PTPRD: variants seen among roughly 807,000 people sequenced by gnomAD.
PTPRD encodes the protein receptor-type tyrosine-protein phosphatase delta.
In PTPRD, 34 loss-of-function variants were observed where a neutral mutation model predicts 214.5. The ratio of observed to expected loss-of-function variants is 0.16; its 90% confidence interval spans 0.12 to 0.21. The LOEUF is 0.21. PTPRD is among the 10% of genes least tolerant of loss of function. The pLI, the probability that PTPRD is intolerant of heterozygous loss-of-function variation, is 1.00. For missense variants in PTPRD, 2,545 were observed against 2,398.7 expected, an observed-to-expected ratio of 1.06 and a Z score of -1.27; for synonymous variants, 1,128 against 845.7, an observed-to-expected ratio of 1.33 and a Z score of -5.79.
intron 44 of PTPRD, among the ~76,000 whole-genome samples, chr9:8,328,516 G>A (rs1216372416): frequency 1.3e-5 from 2 of 152,044 alleles, no homozygotes; most frequent in Non-Finnish European, 2.9e-5. Context: ...TGCTCTTCTC[G>A]AAGAATATCT....
chr9:9,526,491 T>C (rs570571965), intron 8 of PTPRD, among the ~76,000 whole-genome samples: 3 of 152,186 alleles, frequency 2.0e-5, no homozygotes, highest in African/African-American at 7.2e-5. Context: ...TACGAGTCTA[T>C]GTAAGATATT....
Position 8,376,045 on chromosome 9 carries a change from C to T in PTPRD, c.4552G>A (p.Ala1518Thr), listed in dbSNP as rs749675538. 2.5e-5 allele frequency: 41 copies of T among 1,612,742 alleles called. No homozygotes were observed. The highest frequency in any genetic ancestry group is 2.1e-4 in the South Asian group (19 of 91,050). ...KREVRQFQFT[A>T]WPDHGVPEHP... is the part of the protein sequence containing the mutation. Reference sequence around the variant, plus strand: ...TCTGGAACACCATGATCAGGCCAGGCGGTGAACTGGAATTGTCTCACTTCT... The same window carrying T: ...TCTGGAACACCATGATCAGGCCAGGTGGTGAACTGGAATTGTCTCACTTCT... The change falls in exon 39 of 46, where the codon GCC becomes ACC. Residue 1518 changes from alanine to threonine, a missense_variant. Physicochemically the swap from Ala to Thr is moderately conservative, Grantham distance 58. Coordinates refer to ENST00000381196, the MANE Select transcript of PTPRD (RefSeq NM_002839.4).
chr9:10,578,364 T>TTA (rs1044084500), intron 2 of PTPRD, among the ~76,000 whole-genome samples: 2 of 152,106 alleles, frequency 1.3e-5, no homozygotes, highest in Admixed American at 1.3e-4. Flanking sequence ...ACTTATAAAA[T>TTA]TATATATATT....
chr9:10,528,360 T>C (rs532612319), intron 2 of PTPRD, among the ~76,000 whole-genome samples: 10 of 152,146 alleles, frequency 6.6e-5, no homozygotes, highest in Non-Finnish European at 1.0e-4. Context: ...CCTCTTAGGA[T>C]TGTCAGAGTA....
Position 8,335,987 on chromosome 9 carries a change from T to C in PTPRD, c.5379+2935A>G, listed in dbSNP as rs569045336. ...AGGACACAAATGGAAGAACATTCCA[T>C]GCTCACGGATAGGAAGAATCAATAT... On this transcript the variant is annotated intron_variant, in intron 43 of 45. Coordinates refer to ENST00000381196, the MANE Select transcript of PTPRD (RefSeq NM_002839.4). Among the ~76,000 whole-genome samples, 6 of 152,238 alleles carry C rather than the reference T, an allele frequency of 3.9e-5. No homozygotes were observed. In the East Asian group the frequency reaches 1.2e-3, roughly 29 times the overall value.
chr9:9,568,206 C>A (rs181484011), intron 8 of PTPRD, among the ~76,000 whole-genome samples: 29 of 151,796 alleles, frequency 1.9e-4, no homozygotes, highest in African/African-American at 6.8e-4. Flanking sequence ...TGGCTCAAAG[C>A]ATATCAACTG....
At chr9:10,052,295 T>G (rs564726189) in intron 3 of PTPRD, among the ~76,000 whole-genome samples, 453 of 152,190 alleles carry the variant, frequency 3.0e-3, no homozygotes, top group Non-Finnish European at 5.2e-3. Flanking sequence ...AAGGAAACTT[T>G]CTCTAAGGAT....
rs148434324 is a variant in PTPRD, at chr9:8,346,109, G to A, written c.4662-4131C>T. ...TCAAATCTGCTCCTCCCACTCTCAG[G>A]CTCTCCTTGACACTCAGGTTTAAAA... On this transcript the variant is annotated intron_variant, in intron 39 of 45. Coordinates refer to ENST00000381196, the MANE Select transcript of PTPRD (RefSeq NM_002839.4). 3.7e-3 allele frequency among the ~76,000 whole-genome samples: 569 copies of A among 152,006 alleles called. 3 individuals carry two copies. Among genetic ancestry groups the A allele is most frequent in the Admixed American group, 6.6e-3 (101 of 15,236 alleles).
At chr9:10,231,993 T>TGC (rs2099612911) in intron 3 of PTPRD, among the ~76,000 whole-genome samples, 1 of 124,374 alleles carries the variant, frequency 8.0e-6, no homozygotes, top group Non-Finnish European at 1.5e-5. Flanking sequence ...AGAGAGAGTG[T>TGC]GTGTGTGTGT....
rs572000326 is a variant in PTPRD at position 9,952,683 on chromosome 9, T to C, written c.-471-14073A>G. Among the ~76,000 whole-genome samples, 44 of 152,226 alleles carry C rather than the reference T, an allele frequency of 2.9e-4. 1 individual carries two copies. In the South Asian group the frequency reaches 8.5e-3, roughly 29 times the overall value. ...GAGTCCTTGCACCATTTTGCCAGGA[T>C]AACTATTCACTGGGGAAAGGTGAAT... On this transcript the variant is annotated intron_variant, in intron 4 of 45. Coordinates refer to ENST00000381196, the MANE Select transcript of PTPRD (RefSeq NM_002839.4).
chr9:9,365,207 G>T (rs535240330), intron 9 of PTPRD, among the ~76,000 whole-genome samples: 3 of 151,650 alleles, frequency 2.0e-5, no homozygotes, highest in South Asian at 4.2e-4. Flanking sequence ...TTACAGGGAA[G>T]TTGCCACTTA....
intron 10 of PTPRD, among the ~76,000 whole-genome samples, chr9:9,158,392 G>A (rs900331918): frequency 3.9e-5 from 6 of 152,178 alleles, no homozygotes; most frequent in Middle Eastern, 3.4e-3. Flanking sequence ...ACGAGGTCAG[G>A]AGTTCGAGAT....
chr9:10,523,622 T>TATATATATATATATATATATAG (rs554367559), intron 2 of PTPRD, among the ~76,000 whole-genome samples: 4 of 131,382 alleles, frequency 3.0e-5, no homozygotes, highest in African/African-American at 5.6e-5. Context: ...TATATATATA[T>TATATATATATATATATATATAG]AGACAGAAAG....
chr9:10,057,648 T>G (rs528401765), intron 3 of PTPRD, among the ~76,000 whole-genome samples: 3 of 151,892 alleles, frequency 2.0e-5, no homozygotes, highest in East Asian at 2.0e-4. Flanking sequence ...TTACAGACCA[T>G]CCTGACCAAC....
At chr9:8,640,208 T>C (rs1207519389) in intron 12 of PTPRD, among the ~76,000 whole-genome samples, 2 of 152,116 alleles carry the variant, frequency 1.3e-5, no homozygotes, top group African/African-American at 2.4e-5. Context: ...GAATTACAAG[T>C]GTGAGCCATC....
chr9:9,460,833 A>C (rs1163446687), intron 8 of PTPRD, among the ~76,000 whole-genome samples: 2 of 152,068 alleles, frequency 1.3e-5, no homozygotes, highest in Non-Finnish European at 2.9e-5. Flanking sequence ...TATCTACCCA[A>C]AGGAAAATAA....
intron 11 of PTPRD, among the ~76,000 whole-genome samples, chr9:8,943,803 T>C (rs2099047924): frequency 6.7e-6 from 1 of 150,168 alleles, no homozygotes. Context: ...ATGAAACCAC[T>C]AAAAAAAATG....
chr9:9,098,179 G>T (rs1257368929), intron 10 of PTPRD, among the ~76,000 whole-genome samples: 2 of 151,920 alleles, frequency 1.3e-5, no homozygotes, highest in Non-Finnish European at 2.9e-5. Flanking sequence ...TCCAAAAATT[G>T]CCTTTCTTTC....
At chr9:8,322,324 A>T (rs1485000193) in intron 44 of PTPRD, among the ~76,000 whole-genome samples, 1 of 152,208 alleles carries the variant, frequency 6.6e-6, no homozygotes, top group African/African-American at 2.4e-5. Flanking sequence ...AGATGTGCTG[A>T]AAGCTAGGCC....
Sources: gnomAD v4.1 joint callset for allele counts (sites outside exome capture counted in the v4.1 genomes callset) on GRCh38, gnomAD v4.1.1 for gene constraint, MANE v1.5 for transcripts, NCBI Gene and HGNC (gene_info 2026-07-23, HGNC 2026-07-21) for gene names.